LMX1A: variants seen among roughly 807,000 people sequenced by gnomAD.
LMX1A encodes the protein LIM homeobox transcription factor 1-alpha.
LMX1A carries 15 observed loss-of-function variants against 49.1 expected under a neutral mutation model. The observed-to-expected ratio is 0.31, with a 90% CI of 0.20 to 0.47. LMX1A has a LOEUF of 0.47. Ranked by LOEUF, LMX1A falls within the 20% of genes least tolerant of loss-of-function variation. The probability of loss-of-function intolerance (pLI) is 1.00; values close to 1 mark genes in which losing one functional copy is unlikely to be tolerated. For missense variants in LMX1A, 372 were observed against 475.8 expected (o/e 0.78, Z 2.03); for synonymous variants, 167 against 185.7 (o/e 0.90, Z 0.82).
intron 4 of LMX1A, among the ~76,000 whole-genome samples, chr1:165,242,929 C>CAAAAAAAAAAAAAAA (rs35937155): frequency 8.7e-5 from 10 of 115,152 alleles, no homozygotes; most frequent in South Asian, 3.0e-4. Context: ...AACTCCACCT[C>CAAAAAAAAAAAAAAA]AAAAAAAAAA....
intron 8 of LMX1A, 74 bp from the exon 9 acceptor site, chr1:165,204,114 A>C (rs1331279523): frequency 6.6e-7 from 1 of 1,512,668 alleles, no homozygotes; most frequent in African/African-American, 1.4e-5. Context: ...TATTCAGCTG[A>C]ATTCAACAAG....
chr1:165,247,349 G>A (rs557872093), intron 4 of LMX1A, among the ~76,000 whole-genome samples: 2 of 152,120 alleles, frequency 1.3e-5, no homozygotes, highest in African/African-American at 2.4e-5. Flanking sequence ...AATTCTACAG[G>A]ATTTTGAGGA....
At chr1:165,256,674 G>C (rs888960053) in intron 3 of LMX1A, among the ~76,000 whole-genome samples, 1 of 152,094 alleles carries the variant, frequency 6.6e-6, no homozygotes, top group Non-Finnish European at 1.5e-5. Flanking sequence ...AGGCAGGTTG[G>C]AAACCCACTA....
chr1:165,262,095 A>C lies in LMX1A; in HGVS notation c.264-12455T>G, dbSNP rs114302160. On this transcript the variant is annotated intron_variant, in intron 3 of 8. Coordinates refer to ENST00000342310, the MANE Select transcript of LMX1A (RefSeq NM_177398.4). ...TTTTTTTAAACTGGAAGACACAATC[A>C]TCATTTATGCTCTACCTTCTATAAC... Among the ~76,000 whole-genome samples, 267 of 152,320 alleles carry C rather than the reference A, an allele frequency of 1.8e-3. 1 individual carries two copies. Among genetic ancestry groups the C allele is most frequent in the African/African-American group, 6.2e-3 (256 of 41,574 alleles).
At chr1:165,232,179 G>T (rs1652263746) in intron 4 of LMX1A, among the ~76,000 whole-genome samples, 1 of 152,138 alleles carries the variant, frequency 6.6e-6, no homozygotes, top group South Asian at 2.1e-4. Context: ...GCAGCAAAGG[G>T]CCCCAGACCA....
intron 4 of LMX1A, among the ~76,000 whole-genome samples, chr1:165,234,733 C>T (rs1483566709): frequency 1.3e-5 from 2 of 152,108 alleles, no homozygotes; most frequent in Non-Finnish European, 2.9e-5. Context: ...AAAGTAATTA[C>T]TTGGGTAGAT....
At chr1:165,206,613 G>C (rs1050160935) in intron 7 of LMX1A, among the ~76,000 whole-genome samples, 1 of 152,162 alleles carries the variant, frequency 6.6e-6, no homozygotes, top group African/African-American at 2.4e-5. Context: ...ATATGAGTTT[G>C]TGTTCTCATA....
chr1:165,216,318 C>T (rs1186679362), intron 4 of LMX1A, among the ~76,000 whole-genome samples: 3 of 152,114 alleles, frequency 2.0e-5, no homozygotes, highest in Admixed American at 6.5e-5. Context: ...ACAGATTTGC[C>T]CTGGATAGAC....
intron 3 of LMX1A, among the ~76,000 whole-genome samples, chr1:165,348,724 C>T (rs1448911851): frequency 6.6e-6 from 1 of 151,100 alleles, no homozygotes; most frequent in Non-Finnish European, 1.5e-5. Context: ...CTGACTCCTC[C>T]TCACACACAC....
chr1:165,271,279 G>A (rs1356515496), intron 3 of LMX1A, among the ~76,000 whole-genome samples: 1 of 152,198 alleles, frequency 6.6e-6, no homozygotes, highest in East Asian at 1.9e-4. Flanking sequence ...CTGTGAGGAT[G>A]AGAAGCCATC....
chr1:165,333,787 CAAT>C (rs1434911569), intron 3 of LMX1A, among the ~76,000 whole-genome samples: 2 of 152,026 alleles, frequency 1.3e-5, no homozygotes, highest in Non-Finnish European at 2.9e-5. Context: ...ACACCAGGCT[CAAT>C]AATAATGATG....
intron 4 of LMX1A, among the ~76,000 whole-genome samples, chr1:165,232,777 A>C (rs1220489060): frequency 6.6e-6 from 1 of 152,198 alleles, no homozygotes. Flanking sequence ...TCAAGAACCA[A>C]AACTCCCTCT....
chr1:165,240,124 T>G (rs56341050), intron 4 of LMX1A, among the ~76,000 whole-genome samples: 11,340 of 152,262 alleles, frequency 0.074, 508 homozygotes, highest in South Asian at 0.2. Flanking sequence ...CAAGTCAGTC[T>G]AAGTGTTGAA....
intron 3 of LMX1A, among the ~76,000 whole-genome samples, chr1:165,263,749 C>T (rs1301052579): frequency 6.6e-6 from 1 of 152,190 alleles, no homozygotes; most frequent in Non-Finnish European, 1.5e-5. Flanking sequence ...AAAACAAAGA[C>T]TTATGAAGGT....
chr1:165,262,820 G>GAAA (rs561484937), intron 3 of LMX1A, among the ~76,000 whole-genome samples: 1 of 147,174 alleles, frequency 6.8e-6, no homozygotes, highest in African/African-American at 2.5e-5. Context: ...GGCCTTTGTA[G>GAAA]AAAAAAAAAA....
chr1:165,300,030 G>A (rs1287473920), intron 3 of LMX1A, among the ~76,000 whole-genome samples: 3 of 152,114 alleles, frequency 2.0e-5, no homozygotes, highest in Non-Finnish European at 4.4e-5. Flanking sequence ...AAGAGCCATT[G>A]GATCAGGAGA....
intron 3 of LMX1A, among the ~76,000 whole-genome samples, chr1:165,321,805 A>T (rs550674056): frequency 5.3e-5 from 8 of 152,342 alleles, no homozygotes; most frequent in African/African-American, 1.7e-4. Context: ...GACACAATCA[A>T]GAAAATGAAA....
At chr1:165,289,507 C>T (rs1244827704) in intron 3 of LMX1A, among the ~76,000 whole-genome samples, 1 of 152,184 alleles carries the variant, frequency 6.6e-6, no homozygotes, top group Non-Finnish European at 1.5e-5. Flanking sequence ...TACCTCTTCT[C>T]CCATAATAAG....
At chr1:165,259,423 G>A (rs1459543994) in intron 3 of LMX1A, among the ~76,000 whole-genome samples, 2 of 152,222 alleles carry the variant, frequency 1.3e-5, no homozygotes, top group African/African-American at 4.8e-5. Flanking sequence ...AGAGCCAACA[G>A]TTGCTATTTG....
Sources: allele counts gnomAD v4.1 joint callset (sites outside exome capture counted in the v4.1 genomes callset), GRCh38; gene constraint gnomAD v4.1.1; transcripts MANE v1.5; gene names NCBI Gene and HGNC (gene_info 2026-07-23, HGNC 2026-07-21).